The following GUCY1B1 variants were observed in gnomAD, a reference collection of about 807,000 sequenced individuals.
GUCY1B1 encodes the protein guanylate cyclase soluble subunit beta-1.
A neutral mutation model predicts 71.0 loss-of-function variants in GUCY1B1; 43 were observed. The observed-to-expected ratio is 0.61, with a 90% CI of 0.47 to 0.78. The LOEUF (loss-of-function observed/expected upper bound fraction) is 0.78, where lower values mean the gene tolerates loss of function less well. Among genes scored for constraint, GUCY1B1 ranks in the 30% least tolerant of loss-of-function variants. The probability of loss-of-function intolerance (pLI) is 0.00; values close to 1 mark genes in which losing one functional copy is unlikely to be tolerated. For missense variants in GUCY1B1, 535 were observed against 754.1 expected, an observed-to-expected ratio of 0.71 and a Z score of 3.40; for synonymous variants, 266 against 259.7, an observed-to-expected ratio of 1.02 and a Z score of -0.23.
At chr4:155,768,596 C>T (rs1322267677) in intron 2 of GUCY1B1, among the ~76,000 whole-genome samples, 2 of 151,542 alleles carry the variant, frequency 1.3e-5, no homozygotes, top group East Asian at 1.9e-4. Flanking sequence ...ATTCCAGGCA[C>T]CTGGGTTAGG....
At chr4:155,774,849 C>T in intron 2 of GUCY1B1, 119 bp from the exon 3 acceptor site, 1 of 678,136 alleles carries the variant, frequency 1.5e-6, no homozygotes, top group Non-Finnish European at 2.6e-6. Flanking sequence ...CAAATTTGCC[C>T]AAAAAAACCA....
intron 4 of GUCY1B1, among the ~76,000 whole-genome samples, chr4:155,784,605 A>C (rs558621169): frequency 1.3e-5 from 2 of 152,284 alleles, no homozygotes; most frequent in South Asian, 2.1e-4. Flanking sequence ...AGAGGTTTGC[A>C]ATGACTGGTT....
At position 155,799,905 on chromosome 4, in the gene GUCY1B1, A is replaced by C. The variant is rs754535447; in HGVS notation, c.1006A>C (p.Arg336=). Residue 336 remains arginine, a synonymous_variant, in exon 9 of 14, where the codon AGA becomes CGA. Transcript: ENST00000264424. ...CATGAACCTGGACGATTTGACAAGG[A>C]GAGGGCTGTATCTAAGTGACATCCC... ...SVMNLDDLTR[R]GLYLSDIPLH... 6.2e-7 allele frequency: 1 copy of C among 1,612,444 alleles called. No homozygotes were observed. Among genetic ancestry groups the C allele is most frequent in the Non-Finnish European group, 8.5e-7 (1 of 1,178,764 alleles).
intron 4 of GUCY1B1, among the ~76,000 whole-genome samples, chr4:155,787,770 T>TA (rs778601526): frequency 6.6e-6 from 1 of 152,232 alleles, no homozygotes; most frequent in Admixed American, 6.5e-5. Context: ...AGTGTCCTGT[T>TA]AGAGTATTGC....
intron 6 of GUCY1B1, 121 bp from the exon 7 acceptor site, chr4:155,795,220 A>G (rs1739464123): frequency 1.9e-6 from 1 of 536,586 alleles, no homozygotes; most frequent in Non-Finnish European, 3.3e-6. Context: ...CCCTTGAATT[A>G]TAATAATTAT....
At chr4:155,792,639 GA>G (rs754158089) in intron 5 of GUCY1B1, among the ~76,000 whole-genome samples, 144 of 136,938 alleles carry the variant, frequency 1.1e-3, no homozygotes, top group African/African-American at 2.2e-3. Context: ...GGGTACTCCT[GA>G]AAAAAAAAAA....
intron 5 of GUCY1B1, among the ~76,000 whole-genome samples, chr4:155,791,919 G>A (rs181263710): frequency 6.6e-6 from 1 of 152,178 alleles, no homozygotes. Flanking sequence ...GACACACTTG[G>A]AAACTACTAT....
Position 155,782,583 on chromosome 4 carries a change from A to G in GUCY1B1, c.297+4941A>G, listed in dbSNP as rs371628873. Among the ~76,000 whole-genome samples the G allele has an allele frequency of 3.0e-4, 46 of 152,330 alleles. 1 individual carries two copies. Among genetic ancestry groups the G allele is most frequent in the South Asian group, 2.7e-3 (13 of 4,824 alleles). ...TGGCACATTCTATTTTCCCTAAATT[A>G]CTGCAACAGTCTCTCCCATCTCACA... On this transcript the variant is annotated intron_variant, in intron 4 of 13. Transcript: ENST00000264424.
At chr4:155,790,491 A>T (rs1739082338) in intron 5 of GUCY1B1, among the ~76,000 whole-genome samples, 1 of 152,182 alleles carries the variant, frequency 6.6e-6, no homozygotes, top group Non-Finnish European at 1.5e-5. Flanking sequence ...ATTTCAAGGT[A>T]CTGATAGGGC....
chr4:155,760,529 C>T (rs34339597), intron 2 of GUCY1B1, among the ~76,000 whole-genome samples: 26,757 of 144,474 alleles, frequency 0.19, 2,460 homozygotes, highest in Middle Eastern at 0.3. Flanking sequence ...GAGCCCAGTA[C>T]TGGGGATGTG....
intron 2 of GUCY1B1, among the ~76,000 whole-genome samples, chr4:155,768,887 G>A (rs1304431667): frequency 1.3e-5 from 2 of 152,054 alleles, no homozygotes; most frequent in Non-Finnish European, 2.9e-5. Context: ...AGCCCTTAGG[G>A]GCAACAGAGC....
chr4:155,760,477 TA>T (rs3839142), intron 2 of GUCY1B1, among the ~76,000 whole-genome samples: 86,076 of 140,442 alleles, frequency 0.61, 26,144 homozygotes, highest in East Asian at 0.7. Flanking sequence ...GTTGAAGACT[TA>T]ACAGTTCTAG....
In GUCY1B1 at chr4:155,803,518, G is replaced by A. The variant is rs141231456; in HGVS notation, c.1414-106G>A. 2.2e-4 allele frequency: 149 copies of A among 678,624 alleles called. No homozygotes were observed. The African/African-American group carries it at 2.5e-3, about 11-fold the overall frequency. 42.0% of individuals were successfully genotyped at this position (678,624 alleles called of 1,614,324 possible). ...TTAAGAGAATTAAAGGGGGAGGGAA[G>A]CTTAAAGTTGCTGGTAGACTTGAAA... On this transcript the variant is annotated intron_variant, in intron 10 of 13. Coordinates refer to ENST00000264424, the MANE Select transcript of GUCY1B1 (RefSeq NM_000857.5).
At chr4:155,765,975 G>A (rs931990709) in intron 2 of GUCY1B1, among the ~76,000 whole-genome samples, 1 of 152,258 alleles carries the variant, frequency 6.6e-6, no homozygotes, top group African/African-American at 2.4e-5. Context: ...TAATGCAAGA[G>A]TTTGTACTTA....
At chr4:155,762,511 C>T (rs1737067629) in intron 2 of GUCY1B1, among the ~76,000 whole-genome samples, 1 of 152,064 alleles carries the variant, frequency 6.6e-6, no homozygotes, top group Admixed American at 6.5e-5. Flanking sequence ...ACAAATAAAA[C>T]CCTAAGTAAC....
chr4:155,791,925 A>G (rs1272231936), intron 5 of GUCY1B1, among the ~76,000 whole-genome samples: 2 of 152,168 alleles, frequency 1.3e-5, no homozygotes, highest in Non-Finnish European at 1.5e-5. Context: ...CTTGGAAACT[A>G]CTATTACTGT....
At chr4:155,792,077 C>G (rs914025247) in intron 5 of GUCY1B1, among the ~76,000 whole-genome samples, 1 of 152,044 alleles carries the variant, frequency 6.6e-6, no homozygotes, top group Non-Finnish European at 1.5e-5. Context: ...ATATGAACTT[C>G]TGAAATATTT....
intron 2 of GUCY1B1, among the ~76,000 whole-genome samples, chr4:155,767,828 T>C (rs1041329393): frequency 1.3e-5 from 2 of 152,134 alleles, no homozygotes; most frequent in African/African-American, 4.8e-5. Flanking sequence ...AAAAAAGCAA[T>C]ATAAAGTTTT....
chr4:155,785,378 A>G lies in GUCY1B1; in HGVS notation c.298-4336A>G, dbSNP rs1440761533. On this transcript the variant is annotated intron_variant, in intron 4 of 13. Transcript: ENST00000264424. ...GTCTTTTTTACTTTCATACATATGG[A>G]CATACTTCTTTGCAATTGGCCACAC... 4 of 834,770 alleles carry G rather than the reference A, an allele frequency of 4.8e-6. No homozygotes were observed. In the Admixed American group the frequency reaches 6.8e-5, roughly 14 times the overall value. The allele number at this position is 834,770 out of a possible 1,614,324, so 51.7% of individuals were successfully genotyped here.
Sources: allele counts gnomAD v4.1 joint callset (sites outside exome capture counted in the v4.1 genomes callset), GRCh38; gene constraint gnomAD v4.1.1; transcripts MANE v1.5; gene names NCBI Gene and HGNC (gene_info 2026-07-23, HGNC 2026-07-21).